The following VPS35L variants were observed in gnomAD, a reference collection of about 807,000 sequenced individuals.
VPS35L encodes the protein VPS35 endosomal protein sorting factor like, also known as VPS35 endosomal protein-sorting factor-like.
VPS35L carries 83 observed loss-of-function variants against 133.0 expected under a neutral mutation model. The ratio of observed to expected loss-of-function variants is 0.62; its 90% CI spans 0.52 to 0.75. The LOEUF (loss-of-function observed/expected upper bound fraction) is 0.75. Ranked by LOEUF, VPS35L falls within the 30% of genes least tolerant of loss-of-function variation. The probability of loss-of-function intolerance (pLI) is 0.00; values close to 1 mark genes in which losing one functional copy is unlikely to be tolerated. For synonymous variants in VPS35L, 423 were observed against 449.9 expected (o/e 0.94, Z 0.76); for missense variants, 1,083 against 1,206.8 (o/e 0.90, Z 1.52).
chr16:19,647,839 C>A lies in VPS35L; in HGVS notation c.1985C>A (p.Ser662Ter). The A allele has an allele frequency of 6.2e-7, 1 of 1,613,966 alleles. No individual in the cohort carries two copies. Among genetic ancestry groups the A allele is most frequent in the Non-Finnish European group, 8.5e-7 (1 of 1,180,006 alleles). Reference protein sequence around the residue: ...QQLSFYVESRSMFCNLEPVLV... With the variant: ...QQLSFYVESR ...CTGAGTTTTTATGTTGAGTCCAGGT[C>A]GATGTTTTGCAATCTGGAGCCTGTT... is the stretch of plus-strand genomic sequence containing the variant. The change falls in exon 24 of 31, where the codon TCG (serine) becomes TAG (stop). Residue 662 changes from serine (S) to a stop codon, truncating the protein, a stop_gained. Transcript: ENST00000417362. LOFTEE classifies it high-confidence loss of function.
At chr16:19,688,478 C>CTT (rs1975541923) in intron 28 of VPS35L, among the ~76,000 whole-genome samples, 2 of 152,196 alleles carry the variant, frequency 1.3e-5, no homozygotes, top group Non-Finnish European at 2.9e-5. Flanking sequence ...CTTGTGGCCG[C>CTT]GTGTACACAA....
intron 26 of VPS35L, among the ~76,000 whole-genome samples, chr16:19,666,552 TTAAA>T (rs768902220): frequency 2.3e-4 from 35 of 152,218 alleles, no homozygotes; most frequent in Non-Finnish European, 3.2e-4. Context: ...GCCCCAACCT[TTAAA>T]TAACTGTTTA....
At chr16:19,569,971 G>A (rs1338884097) in intron 3 of VPS35L, among the ~76,000 whole-genome samples, 1 of 152,128 alleles carries the variant, frequency 6.6e-6, no homozygotes, top group Non-Finnish European at 1.5e-5. Context: ...TAATGCACAC[G>A]GTACCTTCTG....
chr16:19,668,591 AGTGT>A (rs35546511), intron 26 of VPS35L, among the ~76,000 whole-genome samples: 27 of 147,488 alleles, frequency 1.8e-4, no homozygotes, highest in East Asian at 1.0e-3. Flanking sequence ...CTTTAAGCTG[AGTGT>A]GTGTGTGTGT....
chr16:19,567,956 C>T (rs182942484), intron 2 of VPS35L, among the ~76,000 whole-genome samples: 8 of 146,544 alleles, frequency 5.5e-5, no homozygotes, highest in Non-Finnish European at 7.5e-5. Context: ...AGTGACAAAG[C>T]GAGACCCTGT....
chr16:19,580,339 T>C (rs2151516853), intron 6 of VPS35L, among the ~76,000 whole-genome samples: 1 of 152,080 alleles, frequency 6.6e-6, no homozygotes, highest in Admixed American at 6.5e-5. Context: ...CTCAAACTCC[T>C]GACCTCAAGT....
intron 22 of VPS35L, among the ~76,000 whole-genome samples, chr16:19,643,269 A>G (rs1973840526): frequency 6.6e-6 from 1 of 152,238 alleles, no homozygotes; most frequent in Admixed American, 6.5e-5. Context: ...TAAAGACACA[A>G]AAAGCATCCA....
At chr16:19,561,710 A>T (rs751134999) in intron 1 of VPS35L, among the ~76,000 whole-genome samples, 1 of 152,210 alleles carries the variant, frequency 6.6e-6, no homozygotes, top group Non-Finnish European at 1.5e-5. Context: ...CTCTTTCCCT[A>T]AAGTGGGTTG....
At chr16:19,570,212 C>G (rs1228140227) in intron 3 of VPS35L, among the ~76,000 whole-genome samples, 1 of 152,066 alleles carries the variant, frequency 6.6e-6, no homozygotes. Flanking sequence ...CAGGCATGCA[C>G]CACCATGCCC....
chr16:19,642,424 G>A lies in VPS35L; in HGVS notation c.1813G>A (p.Val605Ile). ...KHQQEPTKDP[V>I]ILNALLHVCK... is the part of the protein sequence containing the mutation. ...TCAACAAGAGCCCACCAAGGACCCG[G>A]TCATCTTGAATGCCCTTTTGCATGT... Residue 605 changes from valine (V) to isoleucine (I), a missense_variant, in exon 22 of 31, where the codon GTC becomes ATC. By Grantham distance (29) the Val-to-Ile change is conservative. Transcript: ENST00000417362. The A allele has an allele frequency of 6.2e-7, 1 of 1,613,858 alleles. No homozygotes were observed. Among genetic ancestry groups the A allele is most frequent in the South Asian group, 1.1e-5 (1 of 91,056 alleles).
At chr16:19,563,978 G>A (rs891653273) in intron 1 of VPS35L, among the ~76,000 whole-genome samples, 1 of 152,226 alleles carries the variant, frequency 6.6e-6, no homozygotes, top group South Asian at 2.1e-4. Flanking sequence ...CCCTCAGCGG[G>A]AAAGCTGGGC....
intron 7 of VPS35L, chr16:19,581,874 C>T (rs1357349326): frequency 3.5e-6 from 2 of 579,386 alleles, no homozygotes; most frequent in Non-Finnish European, 6.1e-6. Context: ...TTGTGCACTG[C>T]ACAACTCCAG....
intron 14 of VPS35L, among the ~76,000 whole-genome samples, chr16:19,623,758 CTTAT>C (rs1216184584): frequency 2.8e-4 from 39 of 140,238 alleles, no homozygotes; most frequent in South Asian, 9.0e-4. Context: ...TTACTTTTTA[CTTAT>C]TTATTTATTA....
intron 28 of VPS35L, among the ~76,000 whole-genome samples, chr16:19,690,026 C>T (rs1975611972): frequency 6.6e-6 from 1 of 152,126 alleles, no homozygotes; most frequent in Admixed American, 6.6e-5. Flanking sequence ...AGTCCTCCCA[C>T]CTTAGCCTCC....
At chr16:19,645,976 TG>T (rs1208249548) in intron 23 of VPS35L, among the ~76,000 whole-genome samples, 1 of 152,024 alleles carries the variant, frequency 6.6e-6, no homozygotes, top group Non-Finnish European at 1.5e-5. Flanking sequence ...CTGTTTTTTT[TG>T]GGGGGGTCGA....
At chr16:19,651,011 T>C (rs1432861034) in intron 25 of VPS35L, among the ~76,000 whole-genome samples, 2 of 151,904 alleles carry the variant, frequency 1.3e-5, no homozygotes, top group Non-Finnish European at 2.9e-5. Context: ...CCTGAGTAGC[T>C]GGGATTACAG....
At chr16:19,642,621 C>G in intron 22 of VPS35L, 145 bp downstream of exon 22, 2 of 640,806 alleles carry the variant, frequency 3.1e-6, no homozygotes, top group South Asian at 3.3e-5. Flanking sequence ...CGAGGACATT[C>G]CAATCCAGGA....
rs529301666 is a variant in VPS35L, at chr16:19,645,571, G to A, written c.1929+622G>A. ...CCCAAAGTGCTGGGATTACAGGCGT[G>A]AGCCACTGCACCCAGCCCCCTGTCT... On this transcript the variant is annotated intron_variant, in intron 23 of 30. Coordinates refer to ENST00000417362, the MANE Select transcript of VPS35L (RefSeq NM_020314.7). 1.8e-4 allele frequency among the ~76,000 whole-genome samples: 27 copies of A among 152,350 alleles called. 1 individual carries two copies. The East Asian group carries it at 3.9e-3, about 22-fold the overall frequency.
At chr16:19,649,051 C>T (rs1031967004) in intron 24 of VPS35L, among the ~76,000 whole-genome samples, 4 of 151,828 alleles carry the variant, frequency 2.6e-5, no homozygotes, top group Non-Finnish European at 4.4e-5. Flanking sequence ...TGCAATGGTG[C>T]GATTTTGGCT....
Sources: gnomAD v4.1 joint callset for allele counts (sites outside exome capture counted in the v4.1 genomes callset) on GRCh38, gnomAD v4.1.1 for gene constraint, MANE v1.5 for transcripts, NCBI Gene and HGNC (gene_info 2026-07-23, HGNC 2026-07-21) for gene names.